PTPRF: variants seen among roughly 807,000 people sequenced by gnomAD.
The protein encoded by PTPRF is protein tyrosine phosphatase receptor type F, also known as receptor-type tyrosine-protein phosphatase F.
Under a neutral mutation model 201.8 loss-of-function variants are expected in PTPRF, and 59 were observed. That is an observed-to-expected ratio of 0.29 (90% confidence interval 0.24 to 0.36). The LOEUF (loss-of-function observed/expected upper bound fraction) is 0.36, where lower values mean the gene tolerates loss of function less well. Ranked by LOEUF, PTPRF falls within the 10% of genes least tolerant of loss-of-function variation. The probability of loss-of-function intolerance (pLI) is 1.00; values close to 1 mark genes in which losing one functional copy is unlikely to be tolerated. For synonymous variants in PTPRF, 1,088 were observed against 1,089.7 expected (o/e 1.00, Z 0.03); for missense variants, 2,132 against 2,690.5 (o/e 0.79, Z 4.59).
intron 6 of PTPRF, among the ~76,000 whole-genome samples, chr1:43,570,873 A>C (rs1388101152): frequency 6.6e-6 from 1 of 152,248 alleles, no homozygotes; most frequent in Non-Finnish European, 1.5e-5. Flanking sequence ...TAATCAAGGC[A>C]GCAAACGGCC....
In PTPRF at chr1:43,557,962, C is replaced by T. The variant is rs1645509543; in HGVS notation, c.379+4021C>T. ...GGAAGCAGCCCAGAGGGTGAACACCCGCCCCCTGCCCCGCCTCACCCCACC... is the reference window on the plus strand; with the variant it reads ...GGAAGCAGCCCAGAGGGTGAACACCTGCCCCCTGCCCCGCCTCACCCCACC... On this transcript the variant is annotated intron_variant, in intron 5 of 33. Coordinates refer to ENST00000359947, the MANE Select transcript of PTPRF (RefSeq NM_002840.5). Among the ~76,000 whole-genome samples, 5 of 152,288 alleles carry T rather than the reference C, an allele frequency of 3.3e-5. No homozygotes were observed. The South Asian group carries it at 6.2e-4, about 19-fold the overall frequency.
intron 6 of PTPRF, among the ~76,000 whole-genome samples, chr1:43,575,392 G>C (rs1241040254): frequency 2.0e-5 from 3 of 152,130 alleles, no homozygotes; most frequent in African/African-American, 7.2e-5. Flanking sequence ...CCTGCTGCCC[G>C]TTCCTCTCGG....
chr1:43,589,857 G>A (rs181809916), intron 8 of PTPRF, among the ~76,000 whole-genome samples: 7 of 150,752 alleles, frequency 4.6e-5, no homozygotes, highest in African/African-American at 1.2e-4. Flanking sequence ...GTGACAGAGC[G>A]AGACCCTATG....
intron 29 of PTPRF, 63 bp downstream of exon 29, chr1:43,619,921 G>A (rs1658785389): frequency 1.9e-6 from 3 of 1,585,760 alleles, no homozygotes; most frequent in Non-Finnish European, 1.7e-6. Context: ...CCTGGCTGGT[G>A]GGGGTGGGCA....
At chr1:43,602,655 CTGTG>C (rs1217465667) in intron 14 of PTPRF, among the ~76,000 whole-genome samples, 1 of 152,176 alleles carries the variant, frequency 6.6e-6, no homozygotes, top group East Asian at 1.9e-4. Flanking sequence ...ACTCTTCTCT[CTGTG>C]TGGTGTGGCT....
At chr1:43,539,727 T>C (rs1008432502) in intron 2 of PTPRF, among the ~76,000 whole-genome samples, 1 of 152,172 alleles carries the variant, frequency 6.6e-6, no homozygotes, top group African/African-American at 2.4e-5. Context: ...GATGATGGTC[T>C]GACCTAACTC....
chr1:43,572,363 T>G (rs944148395), intron 6 of PTPRF, among the ~76,000 whole-genome samples: 1 of 152,214 alleles, frequency 6.6e-6, no homozygotes, highest in Non-Finnish European at 1.5e-5. Context: ...GCTTTCCAGG[T>G]CCAAGGAAGA....
chr1:43,574,026 C>T (rs1360144900), intron 6 of PTPRF, among the ~76,000 whole-genome samples: 4 of 104,094 alleles, frequency 3.8e-5, no homozygotes, highest in African/African-American at 1.1e-4. Flanking sequence ...GACAGAGTTT[C>T]GCTCTTGGTA....
In PTPRF at chr1:43,604,182, G is replaced by T; in HGVS notation, c.3030G>T (p.Val1010=). 1 of 1,613,584 alleles carries T rather than the reference G, an allele frequency of 6.2e-7. No individual in the cohort carries two copies. The highest frequency in any genetic ancestry group is 8.5e-7 in the Non-Finnish European group (1 of 1,179,744). The change falls in exon 16 of 34, where the codon GTG becomes GTT. Residue 1010 remains valine (V), a synonymous_variant. Transcript: ENST00000359947. ...GCATCCAGTCCCGGACCATGCCGGT[G>T]GAGCAAGGTGTGTGCTGTGGACATG... is the stretch of plus-strand genomic sequence containing the variant. ...SPSIQSRTMP[V]EQVFAKNFRV... is the part of the protein sequence containing the mutation.
Position 43,553,813 on chromosome 1 carries a change from A to G in PTPRF, c.251A>G (p.Asp84Gly), listed in dbSNP as rs1346277417. The G allele has an allele frequency of 2.5e-6, 4 of 1,613,994 alleles. No homozygotes were observed. The Admixed American group carries it at 5.0e-5, about 20-fold the overall frequency. ...SSQRFEVIEFDDGAGSVLRIQ... is the reference protein window; with the variant it reads ...SSQRFEVIEFGDGAGSVLRIQ... ...GTCCTCTGACAGGTCATTGAGTTTG[A>G]TGATGGGGCAGGGTCAGTGCTTCGG... The change falls in exon 5 of 34, where the codon GAT (aspartate) becomes GGT (glycine). Residue 84 changes from aspartate (D) to glycine (G), a missense_variant. Transcript: ENST00000359947. This position sits in a 1 kb window ranked among gnomAD's most constrained non-coding sequence, Gnocchi z 4.1.
intron 5 of PTPRF, among the ~76,000 whole-genome samples, chr1:43,568,309 A>AT (rs1646329595): frequency 6.6e-6 from 1 of 151,498 alleles, no homozygotes; most frequent in Non-Finnish European, 1.5e-5. Flanking sequence ...AAAAAAAAAA[A>AT]GAAAAAGAAA....
intron 11 of PTPRF, among the ~76,000 whole-genome samples, chr1:43,594,360 C>G (rs1012010740): frequency 2.1e-5 from 2 of 95,566 alleles, no homozygotes; most frequent in African/African-American, 8.8e-5. Context: ...CCGGGAGAGT[C>G]TGCAGGCCTG....
Position 43,620,224 on chromosome 1 carries a change from G to A in PTPRF, c.5238+3G>A. 6.2e-7 allele frequency: 1 copy of A among 1,613,864 alleles called. No homozygotes were observed. Among genetic ancestry groups the A allele is most frequent in the Non-Finnish European group, 8.5e-7 (1 of 1,179,842 alleles). ...CCAAGCTTCGGGAGATGGGCAGGGT[G>A]AGCCCACCCTTTCCCCCAGGGCCCC... On this transcript the variant is annotated splice_donor_region_variant and intron_variant, in intron 30 of 33. Coordinates refer to ENST00000359947, the MANE Select transcript of PTPRF (RefSeq NM_002840.5).
intron 11 of PTPRF, among the ~76,000 whole-genome samples, chr1:43,596,718 C>T (rs1235715182): frequency 2.6e-5 from 4 of 152,168 alleles, no homozygotes; most frequent in East Asian, 1.9e-4. Context: ...AGAGCAGAAC[C>T]GTGGGCACAG....
chr1:43,594,932 A>G (rs1362932922), intron 11 of PTPRF, among the ~76,000 whole-genome samples: 1 of 152,102 alleles, frequency 6.6e-6, no homozygotes, highest in East Asian at 1.9e-4. Flanking sequence ...AGCGACTTGG[A>G]GGTTGGAAGG....
In PTPRF at chr1:43,609,538, C is replaced by T. The variant is rs1349411457; in HGVS notation, c.3973+40C>T. 5 of 1,534,564 alleles carry T rather than the reference C, an allele frequency of 3.3e-6. No individual in the cohort carries two copies. In the South Asian group the frequency reaches 3.4e-5, roughly 11 times the overall value. ...TGGCCTGTGTGCCCCCAGCCCAGACCTAGCAGGCCTGTGGGTCTGTTCTGC... is the reference window on the plus strand; with the variant it reads ...TGGCCTGTGTGCCCCCAGCCCAGACTTAGCAGGCCTGTGGGTCTGTTCTGC... On this transcript the variant is annotated intron_variant, in intron 22 of 33. Transcript: ENST00000359947.
rs759915771 is a variant in PTPRF, at chr1:43,591,573, C to T, written c.1531+20C>T. ...AGGGAGGTAGGTGGGGGCATGCCGGCTGGGCAGCCAACAGCAGAGAAGGGG... is the reference window on the plus strand; with the variant it reads ...AGGGAGGTAGGTGGGGGCATGCCGGTTGGGCAGCCAACAGCAGAGAAGGGG... On this transcript the variant is annotated intron_variant, in intron 9 of 33. Transcript: ENST00000359947. The T allele has an allele frequency of 2.6e-6, 4 of 1,539,786 alleles. No individual in the cohort carries two copies. Among genetic ancestry groups the T allele is most frequent in the Non-Finnish European group, 3.5e-6 (4 of 1,139,152 alleles).
intron 5 of PTPRF, among the ~76,000 whole-genome samples, chr1:43,560,211 GTGTT>G (rs916466266): frequency 3.1e-4 from 47 of 151,288 alleles, no homozygotes; most frequent in African/African-American, 8.0e-4. Context: ...AGCAGACTGT[GTGTT>G]TGTATGCATC....
rs1213918186 is a variant in PTPRF at position 43,588,082 on chromosome 1, C to T, written c.680-649C>T. ...GACCATGTCCCTGGCCTGCCCTGACCCCTGCCCCTCCCCAGTCCTCCTGAG... is the reference window on the plus strand; with the variant it reads ...GACCATGTCCCTGGCCTGCCCTGACTCCTGCCCCTCCCCAGTCCTCCTGAG... On this transcript the variant is annotated intron_variant, in intron 7 of 33. Coordinates refer to ENST00000359947, the MANE Select transcript of PTPRF (RefSeq NM_002840.5). The surrounding 1 kb of genome is among the most constrained non-coding windows in gnomAD (Gnocchi z 5.3). Among the ~76,000 whole-genome samples the T allele has an allele frequency of 2.0e-5, 3 of 152,192 alleles. No individual in the cohort carries two copies. The highest frequency in any genetic ancestry group is 4.4e-5 in the Non-Finnish European group (3 of 68,034).
Sources: gnomAD v4.1 joint callset for allele counts (sites outside exome capture counted in the v4.1 genomes callset) on GRCh38, gnomAD v4.1.1 for gene constraint, Gnocchi (gnomAD v3.1) non-coding constraint, MANE v1.5 for transcripts, NCBI Gene and HGNC (gene_info 2026-07-23, HGNC 2026-07-21) for gene names.